Variants in GRM8 observed in about 807,000 individuals in gnomAD.
GRM8 encodes the protein metabotropic glutamate receptor 8.
GRM8 carries 47 observed loss-of-function variants against 87.2 expected under a neutral mutation model. The observed-to-expected ratio is 0.54, with a 90% CI of 0.43 to 0.69. GRM8 has a LOEUF of 0.69. Among genes scored for constraint, GRM8 ranks in the 30% least tolerant of loss-of-function variants. GRM8 has a pLI of 0.00. For synonymous variants in GRM8, 396 were observed against 404.5 expected (o/e 0.98, Z 0.25); for missense variants, 1,019 against 1,139.2 (o/e 0.89, Z 1.52).
At position 127,170,759 on chromosome 7, in the gene GRM8, T is replaced by C. The variant is rs184025321; in HGVS notation, c.511-64047A>G. On this transcript the variant is annotated intron_variant, in intron 2 of 10. Coordinates refer to ENST00000339582, the MANE Select transcript of GRM8 (RefSeq NM_000845.3). ...GTCAGGAATGGAAAACCAAACATTG[T>C]ATGTTCTCACTTATAAGTGGGAGCT... 2.6e-5 allele frequency among the ~76,000 whole-genome samples: 4 copies of C among 152,284 alleles called. No homozygotes were observed. The East Asian group carries it at 7.7e-4, about 29-fold the overall frequency.
chr7:126,474,224 G>A lies in GRM8; in HGVS notation c.2431-27852C>T, dbSNP rs75257656. Reference sequence around the variant, plus strand: ...GGAGGTATTTGAAATACACACACACGTACACACATTCATATATGTTTGTGC... The same window carrying A: ...GGAGGTATTTGAAATACACACACACATACACACATTCATATATGTTTGTGC... On this transcript the variant is annotated intron_variant, in intron 9 of 10. Transcript: ENST00000339582. Among the ~76,000 whole-genome samples, 976 of 151,768 alleles carry A rather than the reference G, an allele frequency of 6.4e-3. 10 individuals are homozygous for A. The highest frequency in any genetic ancestry group is 0.034 in the Middle Eastern group (10 of 294).
At chr7:126,461,863 A>G (rs556556546) in intron 9 of GRM8, among the ~76,000 whole-genome samples, 3 of 151,786 alleles carry the variant, frequency 2.0e-5, no homozygotes, top group African/African-American at 7.2e-5. Flanking sequence ...GATTGTTTAC[A>G]TTGCATTGCA....
chr7:127,031,437 G>C (rs1817355868), intron 3 of GRM8, among the ~76,000 whole-genome samples: 1 of 151,884 alleles, frequency 6.6e-6, no homozygotes, highest in South Asian at 2.1e-4. Flanking sequence ...AAATGTTCTA[G>C]AGACCTCCAT....
chr7:127,118,060 A>T (rs1826807824), intron 2 of GRM8, among the ~76,000 whole-genome samples: 1 of 152,222 alleles, frequency 6.6e-6, no homozygotes, highest in Non-Finnish European at 1.5e-5. Flanking sequence ...CTTAGTCTTC[A>T]AGTCATTATT....
intron 9 of GRM8, among the ~76,000 whole-genome samples, chr7:126,497,590 T>A (rs1808955053): frequency 6.6e-6 from 1 of 151,998 alleles, no homozygotes; most frequent in Non-Finnish European, 1.5e-5. Context: ...CCTGTTGATG[T>A]CCTTGCCCCA....
chr7:126,559,119 G>A (rs1164329576), intron 8 of GRM8, among the ~76,000 whole-genome samples: 1 of 149,868 alleles, frequency 6.7e-6, no homozygotes, highest in Admixed American at 6.6e-5. Flanking sequence ...TACTGATCTT[G>A]AAGGAAGTGT....
intron 10 of GRM8, among the ~76,000 whole-genome samples, chr7:126,440,240 T>C (rs1338323649): frequency 6.6e-6 from 1 of 151,392 alleles, no homozygotes; most frequent in Non-Finnish European, 1.5e-5. Flanking sequence ...GGTGAAATCC[T>C]GTGTCTACTA....
Position 126,567,817 on chromosome 7 carries a change from G to C in GRM8, c.1495-33930C>G, listed in dbSNP as rs929651739. Among the ~76,000 whole-genome samples, 3 of 152,156 alleles carry C rather than the reference G, an allele frequency of 2.0e-5. No individual in the cohort carries two copies. The South Asian group carries it at 6.2e-4, about 32-fold the overall frequency. On this transcript the variant is annotated intron_variant, in intron 8 of 10. Transcript: ENST00000339582. Reference sequence around the variant, plus strand: ...ATCCAGAAAGAGACTATCAACCCTGGACCCACCATCATCCTTGCCCATGAG... The same window carrying C: ...ATCCAGAAAGAGACTATCAACCCTGCACCCACCATCATCCTTGCCCATGAG...
chr7:127,168,467 A>G (rs184125760), intron 2 of GRM8, among the ~76,000 whole-genome samples: 9 of 152,328 alleles, frequency 5.9e-5, no homozygotes, highest in Admixed American at 1.3e-4. Flanking sequence ...ATCTAGAAGT[A>G]GAAATACCAT....
At chr7:126,858,904 C>G (rs920409070) in intron 6 of GRM8, among the ~76,000 whole-genome samples, 13 of 152,054 alleles carry the variant, frequency 8.5e-5, no homozygotes, top group South Asian at 2.1e-4. Flanking sequence ...CATACTTTTT[C>G]CCATTTACCT....
At chr7:126,754,094 T>G (rs1023615397) in intron 7 of GRM8, among the ~76,000 whole-genome samples, 1 of 151,890 alleles carries the variant, frequency 6.6e-6, no homozygotes, top group African/African-American at 2.4e-5. Context: ...ATGGATAGGC[T>G]AATCAGGTAT....
intron 8 of GRM8, among the ~76,000 whole-genome samples, chr7:126,571,016 C>G (rs1392317708): frequency 6.6e-6 from 1 of 152,154 alleles, no homozygotes. Flanking sequence ...ATAAATGAGG[C>G]AACATTGCAT....
intron 2 of GRM8, among the ~76,000 whole-genome samples, chr7:127,203,241 CATGG>C (rs1795709363): frequency 6.6e-6 from 1 of 152,110 alleles, no homozygotes; most frequent in African/African-American, 2.4e-5. Flanking sequence ...ATGGGGTACA[CATGG>C]ATGTAAAAAT....
chr7:126,812,404 A>G (rs1793384988), intron 6 of GRM8, among the ~76,000 whole-genome samples: 1 of 152,048 alleles, frequency 6.6e-6, no homozygotes, highest in African/African-American at 2.4e-5. Context: ...CCTAGGCTGT[A>G]AAGATATACA....
At chr7:127,105,868 G>A (rs999500538) in intron 3 of GRM8, among the ~76,000 whole-genome samples, 1 of 151,980 alleles carries the variant, frequency 6.6e-6, no homozygotes, top group African/African-American at 2.4e-5. Context: ...CATACAAGAT[G>A]GTAAAATGCC....
At chr7:126,779,423 T>C (rs1819828625) in intron 6 of GRM8, among the ~76,000 whole-genome samples, 1 of 152,150 alleles carries the variant, frequency 6.6e-6, no homozygotes, top group Non-Finnish European at 1.5e-5. Context: ...GTTTATGTTA[T>C]ACCATTGGTT....
chr7:126,711,999 C>T (rs1811156830), intron 7 of GRM8, among the ~76,000 whole-genome samples: 1 of 152,202 alleles, frequency 6.6e-6, no homozygotes, highest in Non-Finnish European at 1.5e-5. Flanking sequence ...TGTGTGTTCA[C>T]TGGAGTAGCA....
chr7:126,846,585 C>T (rs530970669), intron 6 of GRM8, among the ~76,000 whole-genome samples: 1 of 152,230 alleles, frequency 6.6e-6, no homozygotes, highest in African/African-American at 2.4e-5. Context: ...AATAATATGT[C>T]CCATTTGTAC....
intron 2 of GRM8, among the ~76,000 whole-genome samples, chr7:127,152,564 A>G (rs998035093): frequency 1.3e-5 from 2 of 152,178 alleles, no homozygotes; most frequent in African/African-American, 4.8e-5. Context: ...ATTCCATGAG[A>G]ATCAGCAGAC....
Sources: gnomAD v4.1 joint callset for allele counts (sites outside exome capture counted in the v4.1 genomes callset) on GRCh38, gnomAD v4.1.1 for gene constraint, MANE v1.5 for transcripts, NCBI Gene and HGNC (gene_info 2026-07-23, HGNC 2026-07-21) for gene names.